The following PCNX2 variants were observed in gnomAD, a reference collection of about 807,000 sequenced individuals.
PCNX2 encodes the protein pecanex-like protein 2.
In PCNX2, 168 loss-of-function variants were observed where a neutral mutation model predicts 223.8. The observed-to-expected ratio is 0.75, with a 90% CI of 0.66 to 0.85. The LOEUF (loss-of-function observed/expected upper bound fraction) is 0.85, where lower values mean the gene tolerates loss of function less well. PCNX2 is among the 40% of genes least tolerant of loss of function. PCNX2 has a pLI of 0.00. For missense variants in PCNX2, 2,507 were observed against 2,675.5 expected, an observed-to-expected ratio of 0.94 and a Z score of 1.39; for synonymous variants, 1,006 against 1,052.6, an observed-to-expected ratio of 0.96 and a Z score of 0.86.
Position 233,000,437 on chromosome 1 carries a change from G to T in PCNX2, c.5196C>A (p.Asp1732Glu). Residue 1732 changes from aspartate to glutamate, a missense_variant, in exon 30 of 34, where the codon GAC becomes GAA. Physicochemically the swap from Asp to Glu is conservative, Grantham distance 45. Around this residue, in one of 3 missense-constraint regions of PCNX2, gnomAD observed 1,372 missense variants for 1,509.4 expected, o/e 0.91. Coordinates refer to ENST00000258229, the MANE Select transcript of PCNX2 (RefSeq NM_014801.4). The surrounding 1 kb of genome is among the most constrained non-coding windows in gnomAD (Gnocchi z 4.6). ...ACAGCACTGCGCCCCGCCAGGCCGG[G>T]TCGCCCTCGTGGCAGATGACCACCT... ...EKKVVICHEGDPAWRGAVLSN... is the reference protein window; with the variant it reads ...EKKVVICHEGEPAWRGAVLSN... 1 of 1,599,906 alleles carries T rather than the reference G, an allele frequency of 6.3e-7. No homozygotes were observed.
At position 233,070,983 on chromosome 1, in the gene PCNX2, C is replaced by G. The variant is rs375232287; in HGVS notation, c.4077-13693G>C. Among the ~76,000 whole-genome samples, 12 of 152,220 alleles carry G rather than the reference C, an allele frequency of 7.9e-5. No individual in the cohort carries two copies. The East Asian group carries it at 2.3e-3, about 29-fold the overall frequency. ...CCCGGGAGGCGGAGCTTGCAGTGAG[C>G]CGAGATCATGCCACTGCACTCCAGC... is the stretch of plus-strand genomic sequence containing the variant. On this transcript the variant is annotated intron_variant, in intron 23 of 33. Coordinates refer to ENST00000258229, the MANE Select transcript of PCNX2 (RefSeq NM_014801.4).
chr1:233,156,072 T>C (rs143604776), intron 19 of PCNX2, among the ~76,000 whole-genome samples: 3,548 of 152,332 alleles, frequency 0.023, 56 homozygotes, highest in Non-Finnish European at 0.035. Flanking sequence ...AACTGTACTA[T>C]AAGTGATAGA....
intron 22 of PCNX2, 94 bp from the exon 23 acceptor site, chr1:233,090,284 T>A (rs1056867259): frequency 7.2e-7 from 1 of 1,395,726 alleles, no homozygotes; most frequent in Admixed American, 2.3e-5. Context: ...CTAAAGTCAT[T>A]TTTTCCACCA....
intron 1 of PCNX2, among the ~76,000 whole-genome samples, chr1:233,264,862 T>C (rs1660245859): frequency 6.6e-6 from 1 of 152,198 alleles, no homozygotes; most frequent in Admixed American, 6.5e-5. Context: ...AAATTTAAGC[T>C]AAATCTAGAG....
chr1:233,042,503 A>G (rs1671676464), intron 25 of PCNX2, among the ~76,000 whole-genome samples: 1 of 152,172 alleles, frequency 6.6e-6, no homozygotes, highest in African/African-American at 2.4e-5. Flanking sequence ...CATGGCCTCT[A>G]GCCATGGTAT....
At chr1:233,271,880 T>C (rs939480074) in intron 1 of PCNX2, among the ~76,000 whole-genome samples, 1 of 152,234 alleles carries the variant, frequency 6.6e-6, no homozygotes, top group African/African-American at 2.4e-5. Context: ...ACTATGGCCT[T>C]ATAGCATAGT....
chr1:233,004,839 T>C (rs1390938544), intron 28 of PCNX2, among the ~76,000 whole-genome samples: 1 of 152,168 alleles, frequency 6.6e-6, no homozygotes, highest in East Asian at 1.9e-4. Context: ...CAGAGCAGAC[T>C]GCGGGAAACA....
chr1:233,141,773 ATGTGTGTGTG>A (rs34145635), intron 19 of PCNX2, among the ~76,000 whole-genome samples: 2 of 146,180 alleles, frequency 1.4e-5, no homozygotes, highest in East Asian at 4.0e-4. Context: ...GTATATGTAT[ATGTGTGTGTG>A]TGTGTGTGTG....
At position 233,293,061 on chromosome 1, in the gene PCNX2, C is replaced by T. The variant is rs985258097; in HGVS notation, c.153+2265G>A. On this transcript the variant is annotated intron_variant, in intron 1 of 33. Transcript: ENST00000258229. The stretch of plus-strand genomic sequence containing the variant: ...CAAATTAATGAAGGACAATTTCCTA[C>T]TCACAAACACAAGATCTAAATCAAG... Among the ~76,000 whole-genome samples the T allele has an allele frequency of 4.6e-5, 7 of 152,088 alleles. No individual in the cohort carries two copies. The East Asian group carries it at 1.3e-3, about 29-fold the overall frequency.
intron 12 of PCNX2, among the ~76,000 whole-genome samples, chr1:233,212,146 T>C (rs1408793748): frequency 1.3e-5 from 2 of 152,230 alleles, no homozygotes; most frequent in Non-Finnish European, 1.5e-5. Flanking sequence ...CCATCCTAAA[T>C]GTTCATAATG....
intron 21 of PCNX2, among the ~76,000 whole-genome samples, chr1:233,100,016 G>A (rs375335296): frequency 6.6e-6 from 1 of 152,054 alleles, no homozygotes; most frequent in Non-Finnish European, 1.5e-5. Flanking sequence ...AAATCTCAGC[G>A]CTATGAAAAT....
At chr1:233,084,670 C>G (rs936298034) in intron 23 of PCNX2, among the ~76,000 whole-genome samples, 1 of 152,130 alleles carries the variant, frequency 6.6e-6, no homozygotes, top group Admixed American at 6.5e-5. Context: ...TAACTGGGCA[C>G]ATGTATCATG....
chr1:233,286,043 G>A (rs1353579470), intron 1 of PCNX2, among the ~76,000 whole-genome samples: 1 of 152,172 alleles, frequency 6.6e-6, no homozygotes, highest in Non-Finnish European at 1.5e-5. Flanking sequence ...AGATTCCAAT[G>A]CAAATTTCTG....
the PCNX2 span, among the ~76,000 whole-genome samples, chr1:233,308,258 A>C: frequency 6.6e-6 from 1 of 152,156 alleles, no homozygotes; most frequent in African/African-American, 2.4e-5. Flanking sequence ...GGAGTTTGAA[A>C]CCAGCCTGGC....
chr1:233,263,609 C>T (rs139911126), intron 1 of PCNX2, among the ~76,000 whole-genome samples: 1,551 of 152,200 alleles, frequency 0.01, 14 homozygotes, highest in South Asian at 0.028. Context: ...GCATTCACCA[C>T]CATGCCCGGC....
intron 25 of PCNX2, among the ~76,000 whole-genome samples, chr1:233,029,739 T>C (rs982729810): frequency 5.3e-5 from 8 of 151,942 alleles, no homozygotes; most frequent in Non-Finnish European, 1.0e-4. Flanking sequence ...TTCTGGCTTG[T>C]ATGATTTCTT....
rs778825121 is a variant in PCNX2, at chr1:233,177,886, T to C, written c.3189A>G (p.Gln1063=). The change falls in exon 17 of 34, where the codon CAA becomes CAG. Residue 1063 remains glutamine (Q), a synonymous_variant. Transcript: ENST00000258229. ...SDPSVLMSFI[Q]CRLFPKFLHQ... ...GTAAAAATTTAGGAAACAGCCTGCA[T>C]TGGATGAAGGACCTGAAAGTGGAAA... 6.2e-7 allele frequency: 1 copy of C among 1,613,826 alleles called. No homozygotes were observed. The highest frequency in any genetic ancestry group is 8.5e-7 in the Non-Finnish European group (1 of 1,179,730).
At position 232,987,006 on chromosome 1, in the gene PCNX2, G is replaced by A. The variant is rs573724795; in HGVS notation, c.5792-466C>T. 1.0e-3 allele frequency among the ~76,000 whole-genome samples: 156 copies of A among 152,338 alleles called. 1 individual carries two copies. Among genetic ancestry groups the A allele is most frequent in the African/African-American group, 3.2e-3 (133 of 41,562 alleles). ...CCGATCAGCAGTGATAAAGGAAAAC[G>A]TGCAGGGTTCTGTCATTTTTATTTG... On this transcript the variant is annotated intron_variant, in intron 32 of 33. Coordinates refer to ENST00000258229, the MANE Select transcript of PCNX2 (RefSeq NM_014801.4).
intron 17 of PCNX2, among the ~76,000 whole-genome samples, chr1:233,164,401 A>G (rs1273827543): frequency 6.6e-6 from 1 of 152,038 alleles, no homozygotes; most frequent in Non-Finnish European, 1.5e-5. Context: ...AAAATTGAAA[A>G]CGGAACTACC....
Sources: allele counts gnomAD v4.1 joint callset (sites outside exome capture counted in the v4.1 genomes callset), GRCh38; gene constraint gnomAD v4.1.1; regional missense constraint gnomAD v4.1.1; non-coding constraint Gnocchi (gnomAD v3.1); transcripts MANE v1.5; gene names NCBI Gene and HGNC (gene_info 2026-07-23, HGNC 2026-07-21).